The following LRRC4C variants were observed in gnomAD, a reference collection of about 807,000 sequenced individuals.
LRRC4C encodes leucine-rich repeat-containing protein 4C.
Under a neutral mutation model 33.6 loss-of-function variants are expected in LRRC4C, and 5 were observed. That is an observed-to-expected ratio of 0.15 (90% CI 0.08 to 0.31). The LOEUF (loss-of-function observed/expected upper bound fraction) is 0.31, where lower values mean the gene tolerates loss of function less well. Ranked by LOEUF, LRRC4C falls within the 10% of genes least tolerant of loss-of-function variation. LRRC4C has a pLI of 1.00. For missense variants in LRRC4C, 560 were observed against 796.7 expected (o/e 0.70, Z 3.58); for synonymous variants, 329 against 302.0 (o/e 1.09, Z -0.93).
At chr11:41,392,768 T>C (rs1953654919) in intron 1 of LRRC4C, among the ~76,000 whole-genome samples, 1 of 151,846 alleles carries the variant, frequency 6.6e-6, no homozygotes, top group Non-Finnish European at 1.5e-5. Flanking sequence ...TGGAGTGATG[T>C]AGCTGTAAGC....
chr11:41,307,151 C>A (rs1950527692), intron 1 of LRRC4C, among the ~76,000 whole-genome samples: 1 of 152,016 alleles, frequency 6.6e-6, no homozygotes, highest in Non-Finnish European at 1.5e-5. Flanking sequence ...ACTCCTTCTG[C>A]TGAAGGGGAA....
At chr11:40,431,408 A>AT (rs1950930610) in intron 3 of LRRC4C, among the ~76,000 whole-genome samples, 1 of 151,444 alleles carries the variant, frequency 6.6e-6, no homozygotes, top group South Asian at 2.1e-4. Flanking sequence ...AAAAAAAAAA[A>AT]AAAATCAGAC....
intron 3 of LRRC4C, among the ~76,000 whole-genome samples, chr11:40,464,215 A>T (rs976118965): frequency 1.3e-5 from 2 of 152,140 alleles, no homozygotes; most frequent in Non-Finnish European, 2.9e-5. Flanking sequence ...CATAAACAGA[A>T]CTATAAACAA....
chr11:41,337,936 G>T (rs1448587286), intron 1 of LRRC4C, among the ~76,000 whole-genome samples: 2 of 152,108 alleles, frequency 1.3e-5, no homozygotes, highest in East Asian at 3.9e-4. Flanking sequence ...ATGAAAAAAA[G>T]CTCAACATGA....
At chr11:40,637,360 AAGTATAGAATTAAAAC>A (rs1192084915) in intron 3 of LRRC4C, among the ~76,000 whole-genome samples, 5 of 152,366 alleles carry the variant, frequency 3.3e-5, no homozygotes, top group East Asian at 1.9e-4. Context: ...TCAAGTGACT[AAGTATAGAATTAAAAC>A]AGTATAGAAT....
intron 2 of LRRC4C, among the ~76,000 whole-genome samples, chr11:40,707,613 A>G (rs1946234950): frequency 6.6e-6 from 1 of 152,210 alleles, no homozygotes; most frequent in African/African-American, 2.4e-5. Flanking sequence ...TTGGTTTGCC[A>G]GTATTTTATT....
Position 41,376,524 on chromosome 11 carries a change from A to G in LRRC4C, c.-496+82907T>C, listed in dbSNP as rs1195016729. ...GAAATAATGATTGTAAAATTTGGTT[A>G]ATGGTTAAACATTAGAAATACATAA... On this transcript the variant is annotated intron_variant, in intron 1 of 6. Coordinates refer to ENST00000528697, the MANE Select transcript of LRRC4C (RefSeq NM_001258419.2). Among the ~76,000 whole-genome samples the G allele has an allele frequency of 5.9e-5, 9 of 152,308 alleles. 1 individual carries two copies. In the South Asian group the frequency reaches 1.2e-3, roughly 21 times the overall value.
chr11:40,534,893 G>T (rs1453156923), intron 3 of LRRC4C, among the ~76,000 whole-genome samples: 1 of 152,148 alleles, frequency 6.6e-6, no homozygotes. Context: ...CTTAGTAACA[G>T]TAAAAACAAA....
intron 3 of LRRC4C, chr11:40,445,213 A>C (rs58046048): frequency 6.6e-6 from 1 of 152,214 alleles, no homozygotes. Context: ...TGTGTCCTGA[A>C]GCATAGAGAA....
rs562362824 is a variant in LRRC4C at position 40,840,391 on chromosome 11, C to T, written c.-407+93244G>A. ...GATTGTATGATCTATTTCAACATCC[C>T]CTCCTTTAACTATGAAACTGATTTT... On this transcript the variant is annotated intron_variant, in intron 2 of 6. Transcript: ENST00000528697. 4.5e-4 allele frequency among the ~76,000 whole-genome samples: 68 copies of T among 152,240 alleles called. 2 individuals carry two copies. In the South Asian group the frequency reaches 0.014, roughly 31 times the overall value.
intron 5 of LRRC4C, among the ~76,000 whole-genome samples, chr11:40,218,064 A>G (rs975210805): frequency 1.3e-5 from 2 of 152,188 alleles, no homozygotes; most frequent in African/African-American, 2.4e-5. Context: ...GAGAAGGTTT[A>G]TAATGTGACA....
At chr11:40,990,678 A>G (rs760631990) in intron 1 of LRRC4C, among the ~76,000 whole-genome samples, 34 of 152,192 alleles carry the variant, frequency 2.2e-4, no homozygotes, top group Non-Finnish European at 4.3e-4. Context: ...GCAGTGGTAG[A>G]TAAAACTGAT....
intron 2 of LRRC4C, among the ~76,000 whole-genome samples, chr11:40,836,452 A>T (rs1246107057): frequency 2.0e-5 from 3 of 152,206 alleles, no homozygotes. Flanking sequence ...ATATAGAAAG[A>T]AAGTTATAGA....
At chr11:41,250,564 TA>T (rs749231397) in intron 1 of LRRC4C, among the ~76,000 whole-genome samples, 81 of 152,302 alleles carry the variant, frequency 5.3e-4, no homozygotes, top group Non-Finnish European at 9.4e-4. Flanking sequence ...CATTCTGAGA[TA>T]GGGGGACAGG....
chr11:40,750,368 C>A (rs943497627), intron 2 of LRRC4C, among the ~76,000 whole-genome samples: 1 of 151,928 alleles, frequency 6.6e-6, no homozygotes, highest in African/African-American at 2.4e-5. Flanking sequence ...GCCAGCATTA[C>A]CCTGATAACA....
chr11:40,954,484 A>G (rs1231272910), intron 1 of LRRC4C, among the ~76,000 whole-genome samples: 1 of 151,840 alleles, frequency 6.6e-6, no homozygotes, highest in African/African-American at 2.4e-5. Flanking sequence ...TCCCCTCAGT[A>G]TCCAGTGAAC....
chr11:40,723,838 C>T (rs1299785947), intron 2 of LRRC4C, among the ~76,000 whole-genome samples: 4 of 152,136 alleles, frequency 2.6e-5, no homozygotes, highest in South Asian at 2.1e-4. Context: ...AAACAGGACT[C>T]AACCTTCTGC....
intron 1 of LRRC4C, among the ~76,000 whole-genome samples, chr11:41,019,037 T>C (rs1253163344): frequency 6.6e-6 from 1 of 152,128 alleles, no homozygotes; most frequent in African/African-American, 2.4e-5. Context: ...CCTAAACCCC[T>C]ACTGTTTTTT....
At position 40,115,662 on chromosome 11, in the gene LRRC4C, C is replaced by T. The variant is rs867956688; in HGVS notation, c.631G>A (p.Glu211Lys). 6.2e-7 allele frequency: 1 copy of T among 1,614,124 alleles called. No homozygotes were observed. The highest frequency in any genetic ancestry group is 8.5e-7 in the Non-Finnish European group (1 of 1,180,010). The stretch of plus-strand genomic sequence containing the variant: ...ATGAGCGGTGTGAGGTTAGGGATTT[C>T]CCGAAGGTTGCACATGGCAAGGTTC... Reference protein sequence around the residue: ...YLNLAMCNLREIPNLTPLIKL... With the variant: ...YLNLAMCNLRKIPNLTPLIKL... The change falls in exon 7 of 7, where the codon GAA becomes AAA. Residue 211 changes from glutamate (E) to lysine (K), a missense_variant. Glu to Lys is a moderately conservative substitution (Grantham distance 56). Transcript: ENST00000528697. The surrounding 1 kb of genome is among the most constrained non-coding windows in gnomAD (Gnocchi z 6.7).
Sources: allele counts gnomAD v4.1 joint callset (sites outside exome capture counted in the v4.1 genomes callset), GRCh38; gene constraint gnomAD v4.1.1; non-coding constraint Gnocchi (gnomAD v3.1); transcripts MANE v1.5; gene names NCBI Gene and HGNC (gene_info 2026-07-23, HGNC 2026-07-21).